PKLR: variants seen among roughly 807,000 people sequenced by gnomAD.
PKLR encodes pyruvate kinase L/R.
Under a neutral mutation model 53.6 loss-of-function variants are expected in PKLR, and 38 were observed. The observed-to-expected ratio is 0.71, with a 90% CI of 0.55 to 0.93. The LOEUF (loss-of-function observed/expected upper bound fraction) is 0.93. PKLR is among the 40% of genes least tolerant of loss of function. PKLR has a pLI of 0.00. For missense variants in PKLR, 702 were observed against 787.3 expected (o/e 0.89, Z 1.30); for synonymous variants, 328 against 316.2 (o/e 1.04, Z -0.39).
upstream of PKLR, among the ~76,000 whole-genome samples, chr1:155,303,962 A>T (rs1206392992): frequency 6.6e-6 from 1 of 152,174 alleles, no homozygotes; most frequent in Non-Finnish European, 1.5e-5. Context: ...GCTCTGAGGA[A>T]GAAAAAGCTT....
Position 155,295,155 on chromosome 1 carries a change from T to G in PKLR, c.655A>C (p.Ile219Leu). ...ACTAGGGAGATGAGCCCGTCGTCAA[T>G]GTAGATGCGGCCCCCCACCGGCACG... ...RVVPVGGRIY[I>L]DDGLISLVVQ... is the part of the protein sequence containing the mutation. Residue 219 changes from isoleucine to leucine, a missense_variant, in exon 5 of 11, where the codon ATT (isoleucine) becomes CTT (leucine). Transcript: ENST00000342741. This position sits in a 1 kb window ranked among gnomAD's most constrained non-coding sequence, Gnocchi z 4.3. 1 of 1,614,066 alleles carries G rather than the reference T, an allele frequency of 6.2e-7. No individual in the cohort carries two copies. Among genetic ancestry groups the G allele is most frequent in the East Asian group, 2.2e-5 (1 of 44,864 alleles).
intron 10 of PKLR, 81 bp downstream of exon 10, chr1:155,291,675 C>T: frequency 7.8e-7 from 1 of 1,286,766 alleles, no homozygotes; most frequent in Non-Finnish European, 1.1e-6. Context: ...AGGCAAGGCC[C>T]TTTGAGTGGG....
chr1:155,294,729 C>T lies in PKLR; in HGVS notation c.718G>A (p.Val240Met). ...CTGCCCAGGACGCCGCCGTTCTCCA[C>T]TTGGGTCACCAGTCCCTCTGGGCCT... The part of the protein sequence containing the change: ...KIGPEGLVTQ[V>M]ENGGVLGSRK... Residue 240 changes from valine (V) to methionine (M), a missense_variant, in exon 6 of 11, where the codon GTG becomes ATG. Physicochemically the swap from Val to Met is conservative, Grantham distance 21. This residue lies in a region of PKLR where 519 missense variants were observed against 537.1 expected (regional missense o/e 0.97). Coordinates refer to ENST00000342741, the MANE Select transcript of PKLR (RefSeq NM_000298.6). 2 of 1,614,020 alleles carry T rather than the reference C, an allele frequency of 1.2e-6. No individual in the cohort carries two copies. Among genetic ancestry groups the T allele is most frequent in the Non-Finnish European group, 1.7e-6 (2 of 1,180,032 alleles).
the PKLR span, among the ~76,000 whole-genome samples, chr1:155,307,007 C>A: frequency 6.6e-6 from 1 of 152,158 alleles, no homozygotes; most frequent in East Asian, 1.9e-4. Flanking sequence ...CTCTGCCTCC[C>A]GGGTTCAAGC....
In PKLR at chr1:155,301,182, C is replaced by G. The variant is rs986662780; in HGVS notation, c.100+114G>C. On this transcript the variant is annotated intron_variant, in intron 1 of 10. Transcript: ENST00000342741. The stretch of plus-strand genomic sequence containing the variant: ...GGCTCTGAAGAACGTACGTTCCTCT[C>G]CAAAACCCACCTAGCCAGTGGCTGA... The G allele has an allele frequency of 2.1e-6, 3 of 1,413,310 alleles. No individual in the cohort carries two copies. The African/African-American group carries it at 4.2e-5, about 20-fold the overall frequency. The allele number at this position is 1,413,310 out of a possible 1,614,324, so 87.5% of individuals were successfully genotyped here. A position where few individuals can be genotyped will look rare whatever the true frequency, so the allele number is the denominator to read the frequency against.
Position 155,294,755 on chromosome 1 carries a change from G to C in PKLR, c.695-3C>G, listed in dbSNP as rs1013299610. 3.7e-6 allele frequency: 6 copies of C among 1,613,882 alleles called. No individual in the cohort carries two copies. Among genetic ancestry groups the C allele is most frequent in the Non-Finnish European group, 5.1e-6 (6 of 1,180,024 alleles). On this transcript the variant is annotated splice_polypyrimidine_tract_variant and splice_region_variant and intron_variant, in intron 5 of 10. Transcript: ENST00000342741. ...TTGGGTCACCAGTCCCTCTGGGCCTGCGGACATGGAAAGAGCCAGCTGCGG... is the reference window on the plus strand; with the variant it reads ...TTGGGTCACCAGTCCCTCTGGGCCTCCGGACATGGAAAGAGCCAGCTGCGG...
chr1:155,302,118 C>A (rs1032186342), upstream of PKLR, among the ~76,000 whole-genome samples: 2 of 150,422 alleles, frequency 1.3e-5, no homozygotes, highest in African/African-American at 4.9e-5. Context: ...AGTGCAGTGG[C>A]GCAATCTCAG....
chr1:155,298,634 C>T (rs12741350), intron 2 of PKLR, among the ~76,000 whole-genome samples: 55,002 of 147,402 alleles, frequency 0.37, 11,508 homozygotes, highest in East Asian at 0.7. Flanking sequence ...GCTTTTTTTT[C>T]TTTTTTTAAA....
In PKLR at chr1:155,293,535, A is replaced by G. The variant is rs771080781; in HGVS notation, c.1172T>C (p.Val391Ala). ...AGCCCCATCCAGCACAGCATTGGCGACATCGCTTGTCTCTGCCCTCGTTGG... is the reference window on the plus strand; with the variant it reads ...AGCCCCATCCAGCACAGCATTGGCGGCATCGCTTGTCTCTGCCCTCGTTGG... ...PRPTRAETSD[V>A]ANAVLDGADC... The change falls in exon 8 of 11, where the codon GTC becomes GCC. Residue 391 changes from valine to alanine, a missense_variant. By Grantham distance (64) the Val-to-Ala change is moderately conservative. Around this residue, in one of 2 missense-constraint regions of PKLR, gnomAD observed 519 missense variants for 537.1 expected, o/e 0.97. Coordinates refer to ENST00000342741, the MANE Select transcript of PKLR (RefSeq NM_000298.6). This position sits in a 1 kb window ranked among gnomAD's most constrained non-coding sequence, Gnocchi z 4.2. 1.9e-6 allele frequency: 3 copies of G among 1,614,250 alleles called. No homozygotes were observed. Among genetic ancestry groups the G allele is most frequent in the South Asian group, 1.1e-5 (1 of 91,086 alleles).
In PKLR at chr1:155,294,342, G is replaced by C. The variant is rs748376799; in HGVS notation, c.1009C>G (p.Arg337Gly). The change falls in exon 7 of 11, where the codon CGG becomes GGG. Residue 337 changes from arginine (R) to glycine (G), a missense_variant. Arg to Gly is a moderately radical substitution (Grantham distance 125). Around this residue, in one of 2 missense-constraint regions of PKLR, gnomAD observed 519 missense variants for 537.1 expected, o/e 0.97. Transcript: ENST00000342741. ...LEVSDGIMVA[R>G]GDLGIEIPAE... The stretch of plus-strand genomic sequence containing the variant: ...GGGATCTCGATGCCTAGGTCCCCCC[G>C]TGCCACCATGATGCCGTCGCTCACC... 6.2e-7 allele frequency: 1 copy of C among 1,614,038 alleles called. No individual in the cohort carries two copies. The highest frequency in any genetic ancestry group is 1.7e-5 in the Admixed American group (1 of 60,010).
At position 155,294,529 on chromosome 1, in the gene PKLR, G is replaced by T. The variant is rs141571402; in HGVS notation, c.918C>A (p.His306Gln). 109 of 1,614,052 alleles carry T rather than the reference G, an allele frequency of 6.8e-5. No homozygotes were observed. The Middle Eastern group carries it at 1.2e-3, about 17-fold the overall frequency. The change falls in exon 6 of 11, where the codon CAC becomes CAA. Residue 306 changes from histidine to glutamine, a missense_variant. His to Gln is a conservative substitution (Grantham distance 24). Transcript: ENST00000342741. ...AVRAALGPEGHGIKIISKIEN... is the reference protein window; with the variant it reads ...AVRAALGPEGQGIKIISKIEN... The stretch of plus-strand genomic sequence containing the variant: ...CAATTTTGCTGATGATCTTGATGCC[G>T]TGTCCTTCCGGACCCAGAGCAGCCC...
rs148319141 is a variant in PKLR at position 155,294,661 on chromosome 1, G to A, written c.786C>T (p.Pro262=). ...CTCGGACGTCCTGCTCGGACAGCCC[G>A]GGCAAGTCCACCTGGGCCCCTGGCA... is the stretch of plus-strand genomic sequence containing the variant. ...VNLPGAQVDL[P]GLSEQDVRDL... is the part of the protein sequence containing the mutation. Residue 262 remains proline (P), a synonymous_variant, in exon 6 of 11, where the codon CCC becomes CCT. Transcript: ENST00000342741. 5.6e-6 allele frequency: 9 copies of A among 1,613,974 alleles called. No homozygotes were observed. In the African/African-American group the frequency reaches 8.0e-5, roughly 14 times the overall value.
At position 155,295,784 on chromosome 1, in the gene PKLR, A is replaced by G. The variant is rs1047376718; in HGVS notation, c.284-28T>C. ...AGAACCAGAGATTCACGTTCAGACAACGTTCCCCCAGAACATGAGAGGCAA... is the reference window on the plus strand; with the variant it reads ...AGAACCAGAGATTCACGTTCAGACAGCGTTCCCCCAGAACATGAGAGGCAA... On this transcript the variant is annotated intron_variant, in intron 2 of 10. Transcript: ENST00000342741. This position sits in a 1 kb window ranked among gnomAD's most constrained non-coding sequence, Gnocchi z 4.3. 29 of 1,597,752 alleles carry G rather than the reference A, an allele frequency of 1.8e-5. No individual in the cohort carries two copies. Among genetic ancestry groups the G allele is most frequent in the Non-Finnish European group, 2.5e-5 (29 of 1,165,376 alleles).
chr1:155,301,026 G>A (rs1346163091), intron 1 of PKLR: 2 of 1,547,740 alleles, frequency 1.3e-6, no homozygotes, highest in Non-Finnish European at 1.7e-6. Context: ...CTGTTCCATT[G>A]GAAGCCCTGT....
intron 2 of PKLR, among the ~76,000 whole-genome samples, chr1:155,296,967 G>A (rs1647635050): frequency 1.3e-5 from 2 of 152,118 alleles, no homozygotes; most frequent in Admixed American, 6.6e-5. Flanking sequence ...CCCATCAGCA[G>A]CCTGAACATA....
chr1:155,292,063 T>C lies in PKLR; in HGVS notation c.1437-126A>G. 3.4e-6 allele frequency: 3 copies of C among 885,050 alleles called. No homozygotes were observed. In the Admixed American group the frequency reaches 6.1e-5, roughly 18 times the overall value. The allele number at this position is 885,050 out of a possible 1,614,324, so 54.8% of individuals were successfully genotyped here. ...GACCCTGGGTAAGTCATCATACTTC[T>C]CTGGGCCTTGGTGTTCTCACCTGTA... On this transcript the variant is annotated intron_variant, in intron 9 of 10. Transcript: ENST00000342741.
chr1:155,300,728 G>T (rs1051057612), intron 1 of PKLR, among the ~76,000 whole-genome samples: 2 of 152,016 alleles, frequency 1.3e-5, no homozygotes, highest in Admixed American at 6.6e-5. Flanking sequence ...TGCTCCAAAG[G>T]TCTCTGTTTT....
chr1:155,290,344 T>C lies in PKLR; in HGVS notation c.*228A>G, dbSNP rs1371206136. 2.1e-5 allele frequency: 12 copies of C among 579,440 alleles called. No homozygotes were observed. Among genetic ancestry groups the C allele is most frequent in the South Asian group, 1.8e-4 (9 of 50,354 alleles). The allele number at this position is 579,440 out of a possible 1,614,324, so 35.9% of individuals were successfully genotyped here. On this transcript the variant is annotated 3_prime_UTR_variant, in exon 11 of 11. Coordinates refer to ENST00000342741, the MANE Select transcript of PKLR (RefSeq NM_000298.6). ...GTGCTGTTGGGTGGCCAGTGCATAATTGGACACAGACTTTCAGGACCTGTG... is the reference window on the plus strand; with the variant it reads ...GTGCTGTTGGGTGGCCAGTGCATAACTGGACACAGACTTTCAGGACCTGTG...
rs1164295407 is a variant in PKLR at position 155,300,097 on chromosome 1, C to T, written c.283+1G>A. The T allele has an allele frequency of 6.2e-7, 1 of 1,613,630 alleles. No individual in the cohort carries two copies. The highest frequency in any genetic ancestry group is 1.1e-5 in the South Asian group (1 of 91,078). ...GGCTGCAGGGGGATGGGAGTGCTTACCGATGGTGGCAATGATGCTGGTACT... is the reference window on the plus strand; with the variant it reads ...GGCTGCAGGGGGATGGGAGTGCTTATCGATGGTGGCAATGATGCTGGTACT... On this transcript the variant is annotated splice_donor_variant, in intron 2 of 10. Coordinates refer to ENST00000342741, the MANE Select transcript of PKLR (RefSeq NM_000298.6). LOFTEE classifies it high-confidence loss of function.
Sources: allele counts gnomAD v4.1 joint callset (sites outside exome capture counted in the v4.1 genomes callset), GRCh38; gene constraint gnomAD v4.1.1; regional missense constraint gnomAD v4.1.1; non-coding constraint Gnocchi (gnomAD v3.1); transcripts MANE v1.5; gene names NCBI Gene and HGNC (gene_info 2026-07-23, HGNC 2026-07-21).